The following GRIA1 variants were observed in gnomAD, a reference collection of about 807,000 sequenced individuals.
GRIA1 encodes the protein glutamate ionotropic receptor AMPA type subunit 1.
A neutral mutation model predicts 99.2 loss-of-function variants in GRIA1; 31 were observed. That is an observed-to-expected ratio of 0.31 (90% confidence interval 0.23 to 0.42). The LOEUF (loss-of-function observed/expected upper bound fraction) is 0.42, where lower values mean the gene tolerates loss of function less well. GRIA1 is among the 10% of genes least tolerant of loss of function. The pLI is 1.00. For synonymous variants in GRIA1, 438 were observed against 432.4 expected, an observed-to-expected ratio of 1.01 and a Z score of -0.16; for missense variants, 782 against 1,157.5, an observed-to-expected ratio of 0.68 and a Z score of 4.71.
intron 2 of GRIA1, among the ~76,000 whole-genome samples, chr5:153,518,128 AGT>A (rs1370146508): frequency 6.6e-6 from 1 of 152,204 alleles, no homozygotes; most frequent in Non-Finnish European, 1.5e-5. Flanking sequence ...TTTCTCAGAG[AGT>A]GTTCCCTGAA....
intron 7 of GRIA1, among the ~76,000 whole-genome samples, chr5:153,684,213 G>T (rs1157499187): frequency 6.6e-6 from 1 of 152,068 alleles, no homozygotes; most frequent in East Asian, 1.9e-4. Flanking sequence ...TGTGACTAGA[G>T]ATGAAATAAT....
chr5:153,765,537 G>C (rs1480753082), intron 12 of GRIA1, among the ~76,000 whole-genome samples: 1 of 152,126 alleles, frequency 6.6e-6, no homozygotes, highest in African/African-American at 2.4e-5. Context: ...GGGTAGACCT[G>C]TAAACATTTA....
At chr5:153,579,061 C>G (rs763466496) in intron 2 of GRIA1, among the ~76,000 whole-genome samples, 13 of 152,098 alleles carry the variant, frequency 8.5e-5, no homozygotes, top group Non-Finnish European at 1.8e-4. Flanking sequence ...ATACTTTGCT[C>G]CAAGTTGTGC....
intron 11 of GRIA1, among the ~76,000 whole-genome samples, chr5:153,708,619 A>G (rs1260475224): frequency 6.6e-6 from 1 of 152,216 alleles, no homozygotes; most frequent in Non-Finnish European, 1.5e-5. Flanking sequence ...GAAGCGCTAT[A>G]ACTGGATGCT....
chr5:153,549,289 A>G (rs1296738818), intron 2 of GRIA1, among the ~76,000 whole-genome samples: 2 of 152,214 alleles, frequency 1.3e-5, no homozygotes, highest in East Asian at 3.8e-4. Context: ...GTTTATTTTC[A>G]GGTTTGAAAC....
chr5:153,715,467 T>C (rs1478716958), intron 11 of GRIA1, among the ~76,000 whole-genome samples: 1 of 152,154 alleles, frequency 6.6e-6, no homozygotes, highest in Non-Finnish European at 1.5e-5. Flanking sequence ...GATTGAATTC[T>C]GACTCTACTA....
At position 153,802,467 on chromosome 5, in the gene GRIA1, C is replaced by T. The variant is rs953729828; in HGVS notation, c.2497C>T (p.Arg833Cys). The change falls in exon 15 of 16, where the codon CGT becomes TGT. Residue 833 changes from arginine to cysteine, a missense_variant. Transcript: ENST00000285900. Reference protein sequence around the residue: ...VALIEFCYKSRSESKRMKGFC... With the variant: ...VALIEFCYKSCSESKRMKGFC... Reference sequence around the variant, plus strand: ...CTTAATCGAGTTCTGCTACAAATCCCGTAGTGAATCCAAGCGGATGAAGGT... The same window carrying T: ...CTTAATCGAGTTCTGCTACAAATCCTGTAGTGAATCCAAGCGGATGAAGGT... 6 of 1,613,806 alleles carry T rather than the reference C, an allele frequency of 3.7e-6. No homozygotes were observed. Among genetic ancestry groups the T allele is most frequent in the African/African-American group, 1.3e-5 (1 of 74,844 alleles).
chr5:153,545,749 T>A (rs1046266886), intron 2 of GRIA1, among the ~76,000 whole-genome samples: 1 of 152,208 alleles, frequency 6.6e-6, no homozygotes, highest in Non-Finnish European at 1.5e-5. Flanking sequence ...AGGCAGCAAC[T>A]GATTGGTCCC....
At chr5:153,572,278 C>T (rs1350140632) in intron 2 of GRIA1, among the ~76,000 whole-genome samples, 1 of 152,132 alleles carries the variant, frequency 6.6e-6, no homozygotes, top group Non-Finnish European at 1.5e-5. Context: ...GCCCTACTCT[C>T]AGGAAGCTGG....
intron 15 of GRIA1, among the ~76,000 whole-genome samples, chr5:153,803,543 T>C (rs1257372817): frequency 6.6e-6 from 1 of 152,012 alleles, no homozygotes; most frequent in African/African-American, 2.4e-5. Context: ...CCTACAGGAA[T>C]TTAGAGAAGA....
At chr5:153,745,193 T>G (rs2149580980) in intron 11 of GRIA1, among the ~76,000 whole-genome samples, 1 of 152,288 alleles carries the variant, frequency 6.6e-6, no homozygotes, top group East Asian at 1.9e-4. Flanking sequence ...TCCGCTTAAA[T>G]ATCACTCCTT....
rs186879255 is a variant in GRIA1, at chr5:153,713,123, G to A, written c.1823+7056G>A. Among the ~76,000 whole-genome samples the A allele has an allele frequency of 1.5e-4, 23 of 152,270 alleles. No individual in the cohort carries two copies. In the East Asian group the frequency reaches 4.1e-3, roughly 27 times the overall value. On this transcript the variant is annotated intron_variant, in intron 11 of 15. Transcript: ENST00000285900. ...CAAAAGCCGTAAACATGGAGCCCAG[G>A]GTCCGCCAGCTCACTACCCTATAGT...
At position 153,618,595 on chromosome 5, in the gene GRIA1, C is replaced by T. The variant is rs1766733496; in HGVS notation, c.221-28333C>T. Among the ~76,000 whole-genome samples the T allele has an allele frequency of 3.3e-5, 5 of 152,132 alleles. No homozygotes were observed. In the South Asian group the frequency reaches 1.0e-3, roughly 32 times the overall value. On this transcript the variant is annotated intron_variant, in intron 2 of 15. Transcript: ENST00000285900. Reference sequence around the variant, plus strand: ...GACTTCAGGCTCACCACGTATGGAGCAGTCTGGGGACCGAAACAAAGAAAT... The same window carrying T: ...GACTTCAGGCTCACCACGTATGGAGTAGTCTGGGGACCGAAACAAAGAAAT...
chr5:153,663,727 A>T (rs75066522), intron 5 of GRIA1, among the ~76,000 whole-genome samples: 6,785 of 152,298 alleles, frequency 0.045, 167 homozygotes, highest in Middle Eastern at 0.088. Context: ...AAGGAAAAAA[A>T]TCAGCAAAAC....
intron 11 of GRIA1, among the ~76,000 whole-genome samples, chr5:153,736,905 C>A (rs1761416535): frequency 6.6e-6 from 1 of 152,162 alleles, no homozygotes; most frequent in Admixed American, 6.5e-5. Context: ...ACACACACAA[C>A]CTCTTGACCA....
intron 13 of GRIA1, among the ~76,000 whole-genome samples, chr5:153,781,886 C>T (rs186191968): frequency 1.3e-5 from 2 of 152,268 alleles, no homozygotes; most frequent in East Asian, 1.9e-4. Flanking sequence ...ATGACATTAG[C>T]ACTTCCAAGA....
intron 13 of GRIA1, among the ~76,000 whole-genome samples, chr5:153,791,974 A>T (rs1207787551): frequency 6.6e-6 from 1 of 152,078 alleles, no homozygotes; most frequent in Admixed American, 6.6e-5. Flanking sequence ...CACTGCATGG[A>T]CTATCCCATA....
chr5:153,589,138 T>C (rs1763745739), intron 2 of GRIA1, among the ~76,000 whole-genome samples: 1 of 152,180 alleles, frequency 6.6e-6, no homozygotes. Context: ...TTACCATTTA[T>C]TTAGTCTCAC....
chr5:153,565,062 T>G (rs999531387), intron 2 of GRIA1, among the ~76,000 whole-genome samples: 37 of 152,214 alleles, frequency 2.4e-4, no homozygotes, highest in Admixed American at 1.2e-3. Context: ...GGATTAGAAC[T>G]TAGAGGATAT....
Sources: allele counts gnomAD v4.1 joint callset (sites outside exome capture counted in the v4.1 genomes callset), GRCh38; gene constraint gnomAD v4.1.1; transcripts MANE v1.5; gene names NCBI Gene and HGNC (gene_info 2026-07-23, HGNC 2026-07-21).